TRIM33: variants seen among roughly 807,000 people sequenced by gnomAD.
TRIM33 encodes E3 ubiquitin-protein ligase TRIM33.
TRIM33 carries 20 observed loss-of-function variants against 125.4 expected under a neutral mutation model. The observed-to-expected ratio is 0.16, with a 90% CI of 0.11 to 0.23. The LOEUF (loss-of-function observed/expected upper bound fraction) is 0.23, where lower values mean the gene tolerates loss of function less well. TRIM33 is among the 10% of genes least tolerant of loss of function. The probability of loss-of-function intolerance (pLI) is 1.00; values close to 1 mark genes in which losing one functional copy is unlikely to be tolerated. For synonymous variants in TRIM33, 564 were observed against 513.9 expected, an observed-to-expected ratio of 1.10 and a Z score of -1.32; for missense variants, 920 against 1,411.4, an observed-to-expected ratio of 0.65 and a Z score of 5.58.
At position 114,430,449 on chromosome 1, in the gene TRIM33, C is replaced by CCTGGG. The variant is rs576361281; in HGVS notation, c.1155+344_1155+348dup. On this transcript the variant is annotated intron_variant, in intron 6 of 19. Coordinates refer to ENST00000358465, the MANE Select transcript of TRIM33 (RefSeq NM_015906.4). Reference sequence around the variant, plus strand: ...TGTAGAGGCAGGTTTCGCCATGTTGCCTGGGCTGGGCTGGATCCCGGGGCT... The same window carrying CCTGGG: ...TGTAGAGGCAGGTTTCGCCATGTTGCCTGGGCTGGGCTGGGCTGGATCCCGGGGCT... 1.8e-4 allele frequency among the ~76,000 whole-genome samples: 27 copies of CCTGGG among 152,164 alleles called. No individual in the cohort carries two copies. The East Asian group carries it at 5.0e-3, about 28-fold the overall frequency.
intron 1 of TRIM33, among the ~76,000 whole-genome samples, chr1:114,471,275 T>A (rs189765393): frequency 6.6e-6 from 1 of 152,216 alleles, no homozygotes; most frequent in East Asian, 1.9e-4. Flanking sequence ...GGTCAAACTC[T>A]ACTAAAAATA....
intron 1 of TRIM33, among the ~76,000 whole-genome samples, chr1:114,506,343 A>T (rs1653002928): frequency 6.7e-6 from 1 of 149,528 alleles, no homozygotes; most frequent in Non-Finnish European, 1.5e-5. Context: ...AGATCGCACC[A>T]TTGCACTCCA....
intron 5 of TRIM33, among the ~76,000 whole-genome samples, chr1:114,432,874 T>A (rs956309588): frequency 6.6e-6 from 1 of 152,246 alleles, no homozygotes; most frequent in East Asian, 1.9e-4. Context: ...CTACTATGTG[T>A]CATTTTAATC....
rs1651726009 is a variant in TRIM33, at chr1:114,486,788, T to TC, written c.527-22401_527-22400insG. On this transcript the variant is annotated intron_variant, in intron 1 of 19. Coordinates refer to ENST00000358465, the MANE Select transcript of TRIM33 (RefSeq NM_015906.4). ...CCAGAAGGAGAGGAGTACATAAAATTTAAAAATTACTTGAACAGGCCGGGT... is the reference window on the plus strand; with the variant it reads ...CCAGAAGGAGAGGAGTACATAAAATTCTAAAAATTACTTGAACAGGCCGGGT... 3.9e-5 allele frequency among the ~76,000 whole-genome samples: 6 copies of TC among 151,912 alleles called. No homozygotes were observed. In the South Asian group the frequency reaches 1.2e-3, roughly 32 times the overall value.
intron 14 of TRIM33, 149 bp downstream of exon 14, chr1:114,406,792 T>TAA: frequency 1.4e-6 from 1 of 699,344 alleles, no homozygotes. Context: ...AAAAGTTGAG[T>TAA]TAGAAAAAGA....
chr1:114,449,162 C>CT (rs922383392), intron 4 of TRIM33, among the ~76,000 whole-genome samples: 1 of 145,848 alleles, frequency 6.9e-6, no homozygotes, highest in Non-Finnish European at 1.5e-5. Flanking sequence ...AAAGAATGGT[C>CT]TAAAAAAAAC....
intron 1 of TRIM33, among the ~76,000 whole-genome samples, chr1:114,472,822 C>G (rs769991014): frequency 6.6e-6 from 1 of 151,784 alleles, no homozygotes; most frequent in Non-Finnish European, 1.5e-5. Flanking sequence ...TACACTGTTA[C>G]AATTAAACTG....
At chr1:114,423,457 T>C (rs1479037895) in intron 10 of TRIM33, among the ~76,000 whole-genome samples, 1 of 152,126 alleles carries the variant, frequency 6.6e-6, no homozygotes, top group Non-Finnish European at 1.5e-5. Flanking sequence ...AGCATCAATA[T>C]TTACAATATG....
At chr1:114,508,933 G>C (rs1450072464) in intron 1 of TRIM33, among the ~76,000 whole-genome samples, 1 of 152,088 alleles carries the variant, frequency 6.6e-6, no homozygotes, top group South Asian at 2.1e-4. Context: ...TGCCCAAGTC[G>C]TAAGTAGGAG....
chr1:114,499,491 C>T (rs1196478768), intron 1 of TRIM33, among the ~76,000 whole-genome samples: 1 of 151,924 alleles, frequency 6.6e-6, no homozygotes, highest in African/African-American at 2.4e-5. Flanking sequence ...CTGAGAATTC[C>T]CTTTTTTTTT....
intron 1 of TRIM33, among the ~76,000 whole-genome samples, chr1:114,481,040 C>T (rs578259292): frequency 3.6e-4 from 55 of 151,968 alleles, no homozygotes; most frequent in South Asian, 1.5e-3. Flanking sequence ...GGTGTGGTGG[C>T]GCATGCCTGT....
At chr1:114,428,323 C>T (rs2101171976) in intron 6 of TRIM33, among the ~76,000 whole-genome samples, 1 of 152,246 alleles carries the variant, frequency 6.6e-6, no homozygotes, top group East Asian at 1.9e-4. Flanking sequence ...GTTAAAATCT[C>T]TCTTAAATAT....
intron 11 of TRIM33, among the ~76,000 whole-genome samples, chr1:114,410,751 T>TAG (rs1483608336): frequency 6.7e-6 from 1 of 149,774 alleles, no homozygotes; most frequent in African/African-American, 2.5e-5. Context: ...AGAAAGCCCT[T>TAG]AGCTTGACAC....
At position 114,466,296 on chromosome 1, in the gene TRIM33, C is replaced by A. The variant is rs556976095; in HGVS notation, c.527-1908G>T. On this transcript the variant is annotated intron_variant, in intron 1 of 19. Coordinates refer to ENST00000358465, the MANE Select transcript of TRIM33 (RefSeq NM_015906.4). Reference sequence around the variant, plus strand: ...TCTTAGAGTAAATCAGTTAAATTTTCACCAAAAAGATAACACTTCTAATAG... The same window carrying A: ...TCTTAGAGTAAATCAGTTAAATTTTAACCAAAAAGATAACACTTCTAATAG... 3.2e-4 allele frequency among the ~76,000 whole-genome samples: 48 copies of A among 152,300 alleles called. 1 individual carries two copies. Among genetic ancestry groups the A allele is most frequent in the Admixed American group, 6.5e-4 (10 of 15,308 alleles).
At chr1:114,402,628 AT>A in intron 16 of TRIM33, 131 bp downstream of exon 16, 2 of 1,057,118 alleles carry the variant, frequency 1.9e-6, no homozygotes, top group South Asian at 1.8e-5. Flanking sequence ...AATCATCAAT[AT>A]ACCATCAGAT....
intron 1 of TRIM33, among the ~76,000 whole-genome samples, chr1:114,479,537 A>G (rs1332764249): frequency 6.6e-6 from 1 of 152,228 alleles, no homozygotes. Flanking sequence ...TCAAAAATGA[A>G]GGCAAAATAA....
intron 1 of TRIM33, among the ~76,000 whole-genome samples, chr1:114,465,142 G>A (rs932025702): frequency 6.6e-6 from 1 of 152,210 alleles, no homozygotes; most frequent in Non-Finnish European, 1.5e-5. Context: ...CTTGGTTAGA[G>A]ATACTTGAAT....
At chr1:114,472,057 G>C (rs933282932) in intron 1 of TRIM33, among the ~76,000 whole-genome samples, 2 of 152,150 alleles carry the variant, frequency 1.3e-5, no homozygotes, top group Non-Finnish European at 1.5e-5. Context: ...CACAGACCAT[G>C]CTGGAAATTT....
chr1:114,480,476 TAAAA>T (rs61241613), intron 1 of TRIM33, among the ~76,000 whole-genome samples: 120 of 77,858 alleles, frequency 1.5e-3, no homozygotes, highest in African/African-American at 5.8e-3. Context: ...ATGATCAATT[TAAAA>T]AAAAAAAAAA....
Sources: allele counts gnomAD v4.1 joint callset (sites outside exome capture counted in the v4.1 genomes callset), GRCh38; gene constraint gnomAD v4.1.1; transcripts MANE v1.5; gene names NCBI Gene and HGNC (gene_info 2026-07-23, HGNC 2026-07-21).